Variants in PRCC observed in about 807,000 individuals in gnomAD.
PRCC encodes proline rich mitotic checkpoint control factor.
Under a neutral mutation model 44.0 loss-of-function variants are expected in PRCC, and 10 were observed. The ratio of observed to expected loss-of-function variants is 0.23; its 90% CI spans 0.14 to 0.39. The LOEUF is 0.39. PRCC is among the 10% of genes least tolerant of loss of function. The pLI, the probability that PRCC is intolerant of heterozygous loss-of-function variation, is 1.00. For synonymous variants in PRCC, 278 were observed against 259.5 expected (o/e 1.07, Z -0.69); for missense variants, 573 against 624.7 (o/e 0.92, Z 0.88).
At chr1:156,800,241 C>T (rs1394712635) in intron 6 of PRCC, 133 bp from the exon 7 acceptor site, 2 of 734,854 alleles carry the variant, frequency 2.7e-6, no homozygotes, top group Non-Finnish European at 4.5e-6. Flanking sequence ...ATAAGTCTTT[C>T]AAGGGGTTTG....
At chr1:156,772,139 G>A (rs1400837635) in intron 1 of PRCC, among the ~76,000 whole-genome samples, 1 of 152,150 alleles carries the variant, frequency 6.6e-6, no homozygotes, top group Non-Finnish European at 1.5e-5. Flanking sequence ...GATTACAGGC[G>A]TGAGCCACTG....
chr1:156,790,023 C>T (rs1247503995), intron 3 of PRCC, among the ~76,000 whole-genome samples: 1 of 152,180 alleles, frequency 6.6e-6, no homozygotes, highest in Non-Finnish European at 1.5e-5. Flanking sequence ...GACCTGGCAC[C>T]AGTGGTGGAG....
rs901181938 is a variant in PRCC, at chr1:156,789,417, T to C, written c.1083+2243T>C. ...TGAAGGGAAGGTGGAAGAGGACTGG[T>C]ATCTAATCTTAGAATTACAAGATAG... On this transcript the variant is annotated intron_variant, in intron 3 of 6. Transcript: ENST00000271526. 3.3e-5 allele frequency among the ~76,000 whole-genome samples: 5 copies of C among 152,206 alleles called. No homozygotes were observed. In the South Asian group the frequency reaches 8.3e-4, roughly 25 times the overall value.
At position 156,800,386 on chromosome 1, in the gene PRCC, G is replaced by A; in HGVS notation, c.1402G>A (p.Glu468Lys). 6.2e-7 allele frequency: 1 copy of A among 1,614,124 alleles called. No individual in the cohort carries two copies. The highest frequency in any genetic ancestry group is 8.5e-7 in the Non-Finnish European group (1 of 1,180,000). Residue 468 changes from glutamate (E) to lysine (K), a missense_variant, in exon 7 of 7, where the codon GAG becomes AAG. Glu to Lys is a moderately conservative substitution (Grantham distance 56, BLOSUM62 1). Coordinates refer to ENST00000271526, the MANE Select transcript of PRCC (RefSeq NM_005973.5). ...TTCCTTGCCACAGGCCAAGGAGCGG[G>A]AGCTGGAACTGAAGAACACCTGGTC... ...TYLIHQAKERELELKNTWSEN... is the reference protein window; with the variant it reads ...TYLIHQAKERKLELKNTWSEN...
intron 6 of PRCC, among the ~76,000 whole-genome samples, chr1:156,799,951 G>C (rs1433326251): frequency 6.6e-6 from 1 of 152,216 alleles, no homozygotes; most frequent in Non-Finnish European, 1.5e-5. Context: ...TTGGTGTTCT[G>C]TTTTGACTGG....
chr1:156,787,446 GATTGATATAT>G (rs1395224810), intron 3 of PRCC, among the ~76,000 whole-genome samples: 18 of 111,798 alleles, frequency 1.6e-4, no homozygotes, highest in African/African-American at 6.2e-4. Context: ...ACATATTTGT[GATTGATATAT>G]ATATATATAT....
chr1:156,797,238 A>C, intron 5 of PRCC, 38 bp from the exon 6 acceptor site: 1 of 1,613,350 alleles, frequency 6.2e-7, no homozygotes, highest in Non-Finnish European at 8.5e-7. Context: ...TTCTGCTTTC[A>C]TCCTGTGGAT....
Position 156,795,285 on chromosome 1 carries a change from GTT to G in PRCC, c.1323+500_1323+501del, listed in dbSNP as rs35911411. On this transcript the variant is annotated intron_variant, in intron 5 of 6. Transcript: ENST00000271526. Reference sequence around the variant, plus strand: ...CTTCCAATTGTTTTCATTTTCTGGTGTTTTTTTTTTTTTTTTTTTTTTTTCAG... The same window carrying G: ...CTTCCAATTGTTTTCATTTTCTGGTGTTTTTTTTTTTTTTTTTTTTTTCAG... Among the ~76,000 whole-genome samples, 305 of 36,020 alleles carry G rather than the reference GTT, an allele frequency of 8.5e-3. 2 individuals carry two copies. The highest frequency in any genetic ancestry group is 0.027 in the African/African-American group (190 of 7,156). 23.6% of individuals were successfully genotyped at this position (36,020 alleles called of 152,430 possible). A position where few individuals can be genotyped will look rare whatever the true frequency, so the allele number is the denominator to read the frequency against.
intron 1 of PRCC, among the ~76,000 whole-genome samples, chr1:156,768,881 A>G (rs1028912809): frequency 5.3e-5 from 8 of 152,246 alleles, no homozygotes; most frequent in African/African-American, 1.9e-4. Flanking sequence ...GTAACAGGGC[A>G]GAGTGAAGAT....
chr1:156,781,979 G>A (rs982785991), intron 1 of PRCC, among the ~76,000 whole-genome samples: 1 of 152,208 alleles, frequency 6.6e-6, no homozygotes, highest in African/African-American at 2.4e-5. Context: ...CCAAATGGGA[G>A]GAAATAGTCT....
chr1:156,798,616 G>A (rs181635942), intron 6 of PRCC, among the ~76,000 whole-genome samples: 2 of 152,088 alleles, frequency 1.3e-5, no homozygotes. Context: ...CAGCACTTTC[G>A]GAGGCTGAGG....
rs187540159 is a variant in PRCC at position 156,790,018 on chromosome 1, G to A, written c.1084-1679G>A. 3.1e-3 allele frequency among the ~76,000 whole-genome samples: 469 copies of A among 152,352 alleles called. 1 individual carries two copies. Among genetic ancestry groups the A allele is most frequent in the Non-Finnish European group, 4.9e-3 (336 of 68,034 alleles). On this transcript the variant is annotated intron_variant, in intron 3 of 6. Coordinates refer to ENST00000271526, the MANE Select transcript of PRCC (RefSeq NM_005973.5). ...CCTAGGAGCAGGAGTTGGGGGACCTGGCACCAGTGGTGGAGTTGAACAGAG... is the reference window on the plus strand; with the variant it reads ...CCTAGGAGCAGGAGTTGGGGGACCTAGCACCAGTGGTGGAGTTGAACAGAG...
intron 1 of PRCC, among the ~76,000 whole-genome samples, chr1:156,778,482 A>G (rs1428856315): frequency 1.3e-5 from 2 of 152,188 alleles, no homozygotes; most frequent in African/African-American, 2.4e-5. Context: ...GAATAATGCT[A>G]CAGTGAACAT....
At chr1:156,799,539 A>G (rs968648776) in intron 6 of PRCC, among the ~76,000 whole-genome samples, 3 of 152,184 alleles carry the variant, frequency 2.0e-5, no homozygotes, top group African/African-American at 7.2e-5. Context: ...TGGTGATTTC[A>G]TGGCAAATCT....
At chr1:156,787,948 C>T (rs961568392) in intron 3 of PRCC, among the ~76,000 whole-genome samples, 1 of 152,186 alleles carries the variant, frequency 6.6e-6, no homozygotes, top group Non-Finnish European at 1.5e-5. Flanking sequence ...TCTCCCACCT[C>T]AGCCTCCCAA....
chr1:156,789,284 T>C (rs1652394972), intron 3 of PRCC, among the ~76,000 whole-genome samples: 1 of 152,232 alleles, frequency 6.6e-6, no homozygotes, highest in Admixed American at 6.5e-5. Context: ...TTTGGTTTTA[T>C]TGCCTGTGCT....
intron 2 of PRCC, among the ~76,000 whole-genome samples, chr1:156,784,452 C>T (rs1430006734): frequency 6.6e-6 from 1 of 152,178 alleles, no homozygotes; most frequent in African/African-American, 2.4e-5. Flanking sequence ...ATTCTGAGCT[C>T]TTAAGGCAGA....
intron 2 of PRCC, among the ~76,000 whole-genome samples, chr1:156,786,001 G>A (rs1571585958): frequency 1.3e-5 from 2 of 152,112 alleles, no homozygotes; most frequent in East Asian, 1.9e-4. Context: ...TAATAGAGAC[G>A]GGCCTTCAGT....
intron 2 of PRCC, among the ~76,000 whole-genome samples, chr1:156,785,066 CA>C (rs1422764429): frequency 3.9e-5 from 6 of 152,030 alleles, no homozygotes; most frequent in African/African-American, 1.5e-4. Flanking sequence ...TGTATGATGG[CA>C]CTAAAGATAC....
Sources: allele counts gnomAD v4.1 joint callset (sites outside exome capture counted in the v4.1 genomes callset), GRCh38; gene constraint gnomAD v4.1.1; transcripts MANE v1.5; gene names NCBI Gene and HGNC (gene_info 2026-07-23, HGNC 2026-07-21).